MYO9A: variants seen among roughly 807,000 people sequenced by gnomAD.
MYO9A encodes the protein myosin IXA.
In MYO9A, 103 loss-of-function variants were observed where a neutral mutation model predicts 293.3. The ratio of observed to expected loss-of-function variants is 0.35; its 90% CI spans 0.30 to 0.41. MYO9A has a LOEUF of 0.41. Ranked by LOEUF, MYO9A falls within the 10% of genes least tolerant of loss-of-function variation. The probability of loss-of-function intolerance (pLI) is 1.00; values close to 1 mark genes in which losing one functional copy is unlikely to be tolerated. For missense variants in MYO9A, 2,685 were observed against 3,033.0 expected, an observed-to-expected ratio of 0.89 and a Z score of 2.69; for synonymous variants, 1,001 against 1,035.7, an observed-to-expected ratio of 0.97 and a Z score of 0.64.
chr15:72,024,564 C>G (rs1390869347), intron 4 of MYO9A, among the ~76,000 whole-genome samples: 1 of 152,162 alleles, frequency 6.6e-6, no homozygotes, highest in African/African-American at 2.4e-5. Flanking sequence ...GGAGCCACTG[C>G]ACCTGGCCTA....
intron 39 of MYO9A, among the ~76,000 whole-genome samples, chr15:71,837,778 A>G (rs1370728931): frequency 6.6e-6 from 1 of 152,176 alleles, no homozygotes; most frequent in African/African-American, 2.4e-5. Flanking sequence ...GAGCTTTTAG[A>G]AACATGAGAA....
At chr15:71,917,364 G>A (rs1170920793) in intron 18 of MYO9A, among the ~76,000 whole-genome samples, 2 of 151,932 alleles carry the variant, frequency 1.3e-5, no homozygotes, top group Non-Finnish European at 2.9e-5. Flanking sequence ...GTGAAACCCC[G>A]TCTCCACTAA....
intron 38 of MYO9A, 124 bp from the exon 39 acceptor site, chr15:71,849,092 T>TA: frequency 1.1e-6 from 1 of 939,200 alleles, no homozygotes; most frequent in Non-Finnish European, 1.5e-6. Context: ...CCTTACTTGA[T>TA]AAACTCAGAG....
chr15:72,034,304 G>C (rs1427143337), intron 2 of MYO9A, among the ~76,000 whole-genome samples: 1 of 152,188 alleles, frequency 6.6e-6, no homozygotes, highest in African/African-American at 2.4e-5. Context: ...GAGTGGTTCA[G>C]ATGTAAGCCA....
intron 39 of MYO9A, among the ~76,000 whole-genome samples, chr15:71,833,094 G>T (rs2054794365): frequency 6.6e-6 from 1 of 151,806 alleles, no homozygotes. Flanking sequence ...CATATATCAG[G>T]CAGGACAAAT....
chr15:71,963,611 T>C (rs1322656852), intron 13 of MYO9A, among the ~76,000 whole-genome samples: 1 of 152,054 alleles, frequency 6.6e-6, no homozygotes, highest in Non-Finnish European at 1.5e-5. Context: ...CCACCACGCC[T>C]GGCTAATTTT....
chr15:72,068,594 T>C (rs922653675), intron 1 of MYO9A, among the ~76,000 whole-genome samples: 8 of 151,982 alleles, frequency 5.3e-5, no homozygotes, highest in African/African-American at 9.7e-5. Context: ...GCCCCCCAGG[T>C]AGCTGGGACT....
chr15:71,903,314 T>C lies in MYO9A; in HGVS notation c.2878-251A>G, dbSNP rs183187193. 1.6e-4 allele frequency among the ~76,000 whole-genome samples: 24 copies of C among 152,220 alleles called. No homozygotes were observed. The East Asian group carries it at 4.2e-3, about 27-fold the overall frequency. The stretch of plus-strand genomic sequence containing the variant: ...AAAAGGCAGAGGCTAATTATCCCTT[T>C]TGAGAAAGCTTTATAAAAGACCAAA... On this transcript the variant is annotated intron_variant, in intron 21 of 41. Coordinates refer to ENST00000356056, the MANE Select transcript of MYO9A (RefSeq NM_006901.4).
chr15:71,971,148 G>A (rs1377608051), intron 12 of MYO9A, among the ~76,000 whole-genome samples: 3 of 150,310 alleles, frequency 2.0e-5, no homozygotes, highest in East Asian at 2.0e-4. Context: ...GCGACAGAGC[G>A]AGACTCCGTA....
intron 1 of MYO9A, among the ~76,000 whole-genome samples, chr15:72,097,323 GAA>G: frequency 6.6e-6 from 1 of 152,216 alleles, no homozygotes; most frequent in African/African-American, 2.4e-5. Context: ...ATGAAGTAAA[GAA>G]CCTCCACCAG....
chr15:71,872,758 TTA>T (rs772029922), intron 32 of MYO9A, among the ~76,000 whole-genome samples: 77 of 152,300 alleles, frequency 5.1e-4, no homozygotes, highest in Non-Finnish European at 7.2e-4. Flanking sequence ...CCCAGATATT[TTA>T]TATGTGTGTA....
At chr15:72,061,658 A>G (rs2078882202) in intron 1 of MYO9A, among the ~76,000 whole-genome samples, 1 of 151,902 alleles carries the variant, frequency 6.6e-6, no homozygotes, top group African/African-American at 2.4e-5. Flanking sequence ...CTTAGGCACC[A>G]GCTCAGCCAC....
In MYO9A at chr15:72,008,436, GGTGTGTGTGTGTGT is replaced by G. The variant is rs57267628; in HGVS notation, c.1254-498_1254-485del. The stretch of plus-strand genomic sequence containing the variant: ...CATAGTATGGTGTTTGAGGTAAATG[GGTGTGTGTGTGTGT>G]GTGTGTGTGTGTGTGTGTGTGTGTG... On this transcript the variant is annotated intron_variant, in intron 7 of 41. Coordinates refer to ENST00000356056, the MANE Select transcript of MYO9A (RefSeq NM_006901.4). Among the ~76,000 whole-genome samples, 53 of 138,834 alleles carry G rather than the reference GGTGTGTGTGTGTGT, an allele frequency of 3.8e-4. 1 individual carries two copies. The South Asian group carries it at 6.4e-3, about 17-fold the overall frequency. 91.1% of individuals were successfully genotyped at this position (138,834 alleles called of 152,430 possible). A position where few individuals can be genotyped will look rare whatever the true frequency, so the allele number is the denominator to read the frequency against.
chr15:71,923,065 T>C (rs144516754), intron 18 of MYO9A, among the ~76,000 whole-genome samples: 9 of 152,312 alleles, frequency 5.9e-5, no homozygotes, highest in Non-Finnish European at 8.8e-5. Flanking sequence ...GTTCTGTCTA[T>C]ATCATGAGAG....
intron 18 of MYO9A, among the ~76,000 whole-genome samples, chr15:71,927,047 G>A (rs932816886): frequency 6.6e-6 from 1 of 152,098 alleles, no homozygotes; most frequent in Non-Finnish European, 1.5e-5. Context: ...CAAGAGTGGG[G>A]CCACCAAGTG....
chr15:71,994,634 G>A (rs760472068), intron 9 of MYO9A, 49 bp from the exon 10 acceptor site: 1 of 1,126,102 alleles, frequency 8.9e-7, no homozygotes, highest in Non-Finnish European at 1.3e-6. Context: ...CAATGATTAA[G>A]ATACTATGAC....
chr15:72,099,435 A>C lies in MYO9A; in HGVS notation c.-72+18245T>G, dbSNP rs1306495308. On this transcript the variant is annotated intron_variant, in intron 1 of 41. Transcript: ENST00000356056. ...AAGACCCTGCCCCAAAAAAAAAAAA[A>C]AAAAAAAGAAAAAAAAATTAGCCAG... is the stretch of plus-strand genomic sequence containing the variant. Among the ~76,000 whole-genome samples, 277 of 148,664 alleles carry C rather than the reference A, an allele frequency of 1.9e-3. 1 individual carries two copies. Among genetic ancestry groups the C allele is most frequent in the Non-Finnish European group, 3.4e-3 (230 of 67,434 alleles).
chr15:71,898,763 T>G lies in MYO9A; in HGVS notation c.3740A>C (p.Gln1247Pro). The G allele has an allele frequency of 6.2e-7, 1 of 1,614,152 alleles. No homozygotes were observed. The highest frequency in any genetic ancestry group is 8.5e-7 in the Non-Finnish European group (1 of 1,179,978). ...TCTCTCTCTTACAAGCACATCTTCC[T>G]GCAAGTCCACACCACTCTGGCTTTG... ...RAQSQSGVDLQEDVLVRERPR... is the reference protein window; with the variant it reads ...RAQSQSGVDLPEDVLVRERPR... Residue 1247 changes from glutamine (Q) to proline (P), a missense_variant, in exon 25 of 42, where the codon CAG (glutamine) becomes CCG (proline). Transcript: ENST00000356056.
intron 14 of MYO9A, among the ~76,000 whole-genome samples, chr15:71,957,377 A>C (rs1160847810): frequency 6.6e-6 from 1 of 152,198 alleles, no homozygotes; most frequent in Non-Finnish European, 1.5e-5. Flanking sequence ...ATTATGAAAA[A>C]AAATTTAGAG....
Sources: allele counts gnomAD v4.1 joint callset (sites outside exome capture counted in the v4.1 genomes callset), GRCh38; gene constraint gnomAD v4.1.1; transcripts MANE v1.5; gene names NCBI Gene and HGNC (gene_info 2026-07-23, HGNC 2026-07-21).